The following GYG2 variants were observed in gnomAD, a reference collection of about 807,000 sequenced individuals.
GYG2 encodes glycogenin-2.
A neutral mutation model predicts 29.4 loss-of-function variants in GYG2; 29 were observed. The observed-to-expected ratio is 0.99, with a 90% CI of 0.74 to 1.35. The LOEUF is 1.35. GYG2 is among the 40% of genes most tolerant of loss of function. GYG2 has a pLI of 0.00. For synonymous variants in GYG2, 167 were observed against 172.3 expected, an observed-to-expected ratio of 0.97 and a Z score of 0.24; for missense variants, 370 against 385.7, an observed-to-expected ratio of 0.96 and a Z score of 0.34.
rs573036536 is a variant in GYG2, at chrX:2,862,360, G to A, written c.1038+638G>A. On this transcript the variant is annotated intron_variant, in intron 8 of 10. Transcript: ENST00000398806. ...CTTGGTGTAAACCACCCAGTTTGTG[G>A]CTGTTTCTTACATAGCAGCCTCAAA... Among the ~76,000 whole-genome samples the A allele has an allele frequency of 3.2e-4, 36 of 111,691 alleles. No homozygotes were observed. In the South Asian group the frequency reaches 0.013, roughly 41 times the overall value.
In GYG2 at chrX:2,881,217, G is replaced by T. The variant is rs766537885; in HGVS notation, c.*4G>T. ...GCTGGACCGGTTCCTGCAGTAATCC[G>T]GCAGCTGGTGGGCGTTGTGTGTAGT... On this transcript the variant is annotated 3_prime_UTR_variant, in exon 11 of 11. Transcript: ENST00000398806. 2.6e-6 allele frequency: 3 copies of T among 1,169,380 alleles called. No individual in the cohort carries two copies. In the African/African-American group the frequency reaches 5.3e-5, roughly 21 times the overall value.
chrX:2,829,917 G>C, intron 1 of GYG2, 144 bp from the exon 2 acceptor site: 2 of 396,959 alleles, frequency 5.0e-6, no homozygotes, highest in Non-Finnish European at 8.8e-6. Flanking sequence ...CAAGGAGGAA[G>C]TGCGGGGCGT....
At position 2,856,737 on chromosome X, in the gene GYG2, C is replaced by CATCTATCT. The variant is rs1555898816; in HGVS notation, c.614+120_614+127dup. ...TTAAAAACTCTATCTATCTATCTAT[C>CATCTATCT]ATCTATCTATCTATGTATCTATCTA... On this transcript the variant is annotated intron_variant, in intron 6 of 10. Transcript: ENST00000398806. 361 of 418,305 alleles carry CATCTATCT rather than the reference C, an allele frequency of 8.6e-4. 3 individuals are homozygous for CATCTATCT. The highest frequency in any genetic ancestry group is 1.9e-3 in the East Asian group (47 of 25,160). The allele number at this position is 418,305 out of a possible 1,213,427, so 34.5% of individuals were successfully genotyped here.
intron 3 of GYG2, among the ~76,000 whole-genome samples, chrX:2,844,624 GCACACGCA>G (rs1383023105): frequency 0.014 from 215 of 15,874 alleles, 59 homozygotes; most frequent in Non-Finnish European, 0.016. Flanking sequence ...ATGTGTATAC[GCACACGCA>G]TGCGTATATG....
At chrX:2,858,833 A>G (rs1324418092) in intron 6 of GYG2, among the ~76,000 whole-genome samples, 1 of 111,874 alleles carries the variant, frequency 8.9e-6, no homozygotes, top group African/African-American at 3.3e-5. Context: ...GTGATGATGA[A>G]CAACAAAAAA....
intron 2 of GYG2, among the ~76,000 whole-genome samples, chrX:2,841,607 C>CAGCT (rs1345387151): frequency 9.0e-6 from 1 of 111,710 alleles, no homozygotes; most frequent in Non-Finnish European, 1.9e-5. Flanking sequence ...TCTACAGGAG[C>CAGCT]AGCTGTAACA....
chrX:2,862,646 C>T lies in GYG2; in HGVS notation c.1038+924C>T, dbSNP rs1011316909. On this transcript the variant is annotated intron_variant, in intron 8 of 10. Coordinates refer to ENST00000398806, the MANE Select transcript of GYG2 (RefSeq NM_001079855.2). ...GTCTGCTGAGGCCGAGTCTGCAGCACTTTGTCCCCATCGAAGAAAAATGAA... is the reference window on the plus strand; with the variant it reads ...GTCTGCTGAGGCCGAGTCTGCAGCATTTTGTCCCCATCGAAGAAAAATGAA... Among the ~76,000 whole-genome samples the T allele has an allele frequency of 2.7e-5, 3 of 111,821 alleles. No homozygotes were observed. The South Asian group carries it at 1.1e-3, about 42-fold the overall frequency.
rs368012659 is a variant in GYG2 at position 2,856,643 on chromosome X, C to T, written c.614+19C>T. On this transcript the variant is annotated intron_variant, in intron 6 of 10. Coordinates refer to ENST00000398806, the MANE Select transcript of GYG2 (RefSeq NM_001079855.2). ...TCAAGCAGTAAGTTCTCCACCCTGG[C>T]GAATCCTGCCAGATCTGCCACTACC... 1.6e-5 allele frequency: 19 copies of T among 1,181,334 alleles called. No individual in the cohort carries two copies. The highest frequency in any genetic ancestry group is 1.1e-4 in the African/African-American group (6 of 56,166).
intron 2 of GYG2, among the ~76,000 whole-genome samples, chrX:2,831,666 G>C (rs1411877033): frequency 1.8e-5 from 2 of 111,729 alleles, no homozygotes; most frequent in Non-Finnish European, 3.8e-5. Flanking sequence ...ACGGACATTC[G>C]CATACATCTT....
At chrX:2,869,956 T>C (rs1443892735) in intron 8 of GYG2, among the ~76,000 whole-genome samples, 1 of 112,345 alleles carries the variant, frequency 8.9e-6, no homozygotes, top group Non-Finnish European at 1.9e-5. Context: ...TCTGTGTTTT[T>C]TAAAGTAAAG....
chrX:2,830,298 C>G (rs1161007701), intron 2 of GYG2, 103 bp downstream of exon 2: 18 of 760,644 alleles, frequency 2.4e-5, no homozygotes, highest in Non-Finnish European at 3.4e-5. Context: ...GCAGGATTGC[C>G]CCAAACCCCG....
chrX:2,855,613 C>T (rs953594242), intron 5 of GYG2, among the ~76,000 whole-genome samples: 16 of 112,012 alleles, frequency 1.4e-4, no homozygotes, highest in Non-Finnish European at 2.8e-4. Flanking sequence ...ATGGGCTGGC[C>T]GTGGTGGCTC....
intron 2 of GYG2, among the ~76,000 whole-genome samples, chrX:2,830,691 C>T (rs1391906268): frequency 4.5e-5 from 5 of 111,562 alleles, no homozygotes; most frequent in South Asian, 3.8e-4. Flanking sequence ...GAAGCTGAGG[C>T]GGGAGGATTG....
Position 2,881,263 on chromosome X carries a change from G to A in GYG2, c.*50G>A. 3 of 1,033,873 alleles carry A rather than the reference G, an allele frequency of 2.9e-6. No homozygotes were observed. Among genetic ancestry groups the A allele is most frequent in the Non-Finnish European group, 3.9e-6 (3 of 769,179 alleles). The allele number at this position is 1,033,873 out of a possible 1,213,427, so 85.2% of individuals were successfully genotyped here. ...GTAGTTAGACAATGTCCTGTTGGGT[G>A]GTCCTGTTGCGTGGAGATCTCCTCT... On this transcript the variant is annotated 3_prime_UTR_variant, in exon 11 of 11. Coordinates refer to ENST00000398806, the MANE Select transcript of GYG2 (RefSeq NM_001079855.2).
chrX:2,880,737 A>C (rs2088702597), intron 10 of GYG2, among the ~76,000 whole-genome samples: 1 of 110,480 alleles, frequency 9.1e-6, no homozygotes, highest in Admixed American at 9.7e-5. Context: ...ATGAGACCCC[A>C]TCTGTGCAAA....
In GYG2 at chrX:2,877,836, A is replaced by G. The variant is rs774637299; in HGVS notation, c.1251+529A>G. On this transcript the variant is annotated intron_variant, in intron 10 of 10. Transcript: ENST00000398806. Reference sequence around the variant, plus strand: ...TTGCTAACGTTTTCTCTTGCTCTTTAAGCATGATCTAATAATGCCATTTGG... The same window carrying G: ...TTGCTAACGTTTTCTCTTGCTCTTTGAGCATGATCTAATAATGCCATTTGG... The G allele has an allele frequency of 3.3e-5, 25 of 749,003 alleles. No homozygotes were observed. In the Admixed American group the frequency reaches 1.5e-3, roughly 45 times the overall value. 61.7% of individuals were successfully genotyped at this position (749,003 alleles called of 1,213,427 possible). A position where few individuals can be genotyped will look rare whatever the true frequency, so the allele number is the denominator to read the frequency against.
chrX:2,856,451 C>T, intron 5 of GYG2, 47 bp from the exon 6 acceptor site: 1 of 1,186,411 alleles, frequency 8.4e-7, no homozygotes, highest in Admixed American at 2.2e-5. Flanking sequence ...TTGGAGTGAA[C>T]CAAGCCATAC....
chrX:2,874,836 A>G (rs1190655818), intron 8 of GYG2, among the ~76,000 whole-genome samples: 1 of 111,950 alleles, frequency 8.9e-6, no homozygotes, highest in Non-Finnish European at 1.9e-5. Context: ...GCGGGTCTGC[A>G]TTTGAAGGAT....
At chrX:2,880,605 T>C (rs1251893864) in intron 10 of GYG2, among the ~76,000 whole-genome samples, 1 of 112,132 alleles carries the variant, frequency 8.9e-6, no homozygotes, top group Admixed American at 9.5e-5. Flanking sequence ...CTAGTGTATA[T>C]TTAGCTCAAA....
Sources: allele counts gnomAD v4.1 joint callset (sites outside exome capture counted in the v4.1 genomes callset), GRCh38; gene constraint gnomAD v4.1.1; transcripts MANE v1.5; gene names NCBI Gene and HGNC (gene_info 2026-07-23, HGNC 2026-07-21).